ARHGAP26: variants seen among roughly 807,000 people sequenced by gnomAD.
ARHGAP26 encodes Rho GTPase activating protein 26, also known as rho GTPase-activating protein 26.
In ARHGAP26, 38 loss-of-function variants were observed where a neutral mutation model predicts 104.8. The observed-to-expected ratio is 0.36, with a 90% CI of 0.28 to 0.48. ARHGAP26 has a LOEUF of 0.48. ARHGAP26 is among the 20% of genes least tolerant of loss of function. ARHGAP26 has a pLI of 0.99. For missense variants in ARHGAP26, 704 were observed against 947.9 expected (o/e 0.74, Z 3.38); for synonymous variants, 341 against 340.0 (o/e 1.00, Z -0.03).
intron 12 of ARHGAP26, among the ~76,000 whole-genome samples, chr5:143,025,325 C>T (rs964898394): frequency 1.3e-5 from 2 of 152,150 alleles, no homozygotes; most frequent in African/African-American, 4.8e-5. Context: ...TCTTTCCCTG[C>T]CCTTCGCTGC....
intron 17 of ARHGAP26, among the ~76,000 whole-genome samples, chr5:143,060,260 T>C (rs1341649738): frequency 6.6e-6 from 1 of 152,216 alleles, no homozygotes; most frequent in Non-Finnish European, 1.5e-5. Context: ...GGTGTTTACT[T>C]CTCTTATTAC....
intron 1 of ARHGAP26, among the ~76,000 whole-genome samples, chr5:142,864,083 G>A (rs1205919994): frequency 1.3e-5 from 2 of 152,000 alleles, no homozygotes; most frequent in Admixed American, 6.6e-5. Context: ...CAGTGAGTGG[G>A]TCTGACTTGT....
chr5:143,104,465 C>A (rs1793706970), intron 17 of ARHGAP26, among the ~76,000 whole-genome samples: 1 of 150,900 alleles, frequency 6.6e-6, no homozygotes, highest in African/African-American at 2.4e-5. Flanking sequence ...GAGCCGAGAT[C>A]ACACCACTGC....
At chr5:142,931,609 T>C (rs967328804) in intron 10 of ARHGAP26, among the ~76,000 whole-genome samples, 3 of 151,550 alleles carry the variant, frequency 2.0e-5, no homozygotes, top group East Asian at 1.9e-4. Flanking sequence ...GAGACAAGCA[T>C]GCCTCCAGGT....
intron 11 of ARHGAP26, among the ~76,000 whole-genome samples, chr5:142,937,630 A>G (rs1197645829): frequency 2.0e-5 from 3 of 152,206 alleles, no homozygotes; most frequent in African/African-American, 7.2e-5. Context: ...ATAGCTTGAA[A>G]CTGGAAGTAC....
intron 11 of ARHGAP26, chr5:142,946,484 G>A (rs1309483313): frequency 6.6e-6 from 1 of 152,098 alleles, no homozygotes; most frequent in Non-Finnish European, 1.5e-5. Context: ...GCAAAAGAAA[G>A]TTCTTATAAG....
intron 10 of ARHGAP26, among the ~76,000 whole-genome samples, chr5:142,918,791 A>C (rs1598238105): frequency 6.6e-6 from 1 of 152,194 alleles, no homozygotes; most frequent in East Asian, 1.9e-4. Context: ...TAACATCAAA[A>C]AGCTAAAGTT....
chr5:143,128,458 T>C (rs1425682349), intron 18 of ARHGAP26, among the ~76,000 whole-genome samples: 2 of 152,218 alleles, frequency 1.3e-5, no homozygotes, highest in African/African-American at 4.8e-5. Flanking sequence ...AACTACTTTC[T>C]AAATTGTTGA....
intron 1 of ARHGAP26, among the ~76,000 whole-genome samples, chr5:142,848,364 C>T (rs1235582544): frequency 1.3e-5 from 2 of 152,162 alleles, no homozygotes; most frequent in African/African-American, 4.8e-5. Context: ...AAATTTAAGA[C>T]CACAGAACCT....
chr5:143,061,562 GC>G (rs533543527), intron 17 of ARHGAP26, among the ~76,000 whole-genome samples: 53 of 152,312 alleles, frequency 3.5e-4, no homozygotes, highest in African/African-American at 1.2e-3. Flanking sequence ...TGTTGCAGGG[GC>G]ATTGGAGAGG....
intron 1 of ARHGAP26, among the ~76,000 whole-genome samples, chr5:142,863,122 T>TC (rs1272779715): frequency 1.3e-5 from 2 of 151,684 alleles, no homozygotes; most frequent in African/African-American, 4.8e-5. Context: ...TTTTTTTTTT[T>TC]CTTTTTGAGA....
chr5:143,037,279 A>G lies in ARHGAP26; in HGVS notation c.1210+18A>G. On this transcript the variant is annotated intron_variant, in intron 13 of 22. Coordinates refer to ENST00000645722, the MANE Select transcript of ARHGAP26 (RefSeq NM_001135608.3). ...AACCAGAGGTAAAGTAGTTTAACAGATGGCATTGTTCTCATAGAAGGTCAC... is the reference window on the plus strand; with the variant it reads ...AACCAGAGGTAAAGTAGTTTAACAGGTGGCATTGTTCTCATAGAAGGTCAC... 6.3e-7 allele frequency: 1 copy of G among 1,581,052 alleles called. No individual in the cohort carries two copies. The highest frequency in any genetic ancestry group is 8.7e-7 in the Non-Finnish European group (1 of 1,155,574).
intron 17 of ARHGAP26, among the ~76,000 whole-genome samples, chr5:143,104,481 A>G (rs1056504510): frequency 6.6e-6 from 1 of 152,226 alleles, no homozygotes; most frequent in Non-Finnish European, 1.5e-5. Flanking sequence ...ACTGCACTCC[A>G]GTCTGGGCGA....
intron 1 of ARHGAP26, among the ~76,000 whole-genome samples, chr5:142,813,668 T>C (rs1178044916): frequency 6.6e-6 from 1 of 152,244 alleles, no homozygotes; most frequent in East Asian, 1.9e-4. Flanking sequence ...GTCTTTTCTC[T>C]GCTGTGCCTG....
chr5:142,836,613 C>G (rs919187728), intron 1 of ARHGAP26, among the ~76,000 whole-genome samples: 1 of 152,168 alleles, frequency 6.6e-6, no homozygotes, highest in Non-Finnish European at 1.5e-5. Context: ...GAAGTTGTCT[C>G]CGGGTTACTT....
At chr5:143,119,356 G>A (rs540554170) in intron 17 of ARHGAP26, among the ~76,000 whole-genome samples, 1 of 152,292 alleles carries the variant, frequency 6.6e-6, no homozygotes, top group East Asian at 1.9e-4. Context: ...AGCTCTTTTG[G>A]GAGGGGAAGT....
At chr5:142,817,904 A>G (rs1561893662) in intron 1 of ARHGAP26, among the ~76,000 whole-genome samples, 1 of 152,100 alleles carries the variant, frequency 6.6e-6, no homozygotes, top group East Asian at 1.9e-4. Context: ...GGGGAATCAG[A>G]GTTTTAGTTG....
intron 20 of ARHGAP26, among the ~76,000 whole-genome samples, chr5:143,156,110 A>G (rs1161138596): frequency 6.6e-6 from 1 of 152,170 alleles, no homozygotes; most frequent in African/African-American, 2.4e-5. Context: ...TATTTTTCTT[A>G]TTTAGGATTA....
At chr5:143,142,062 A>G (rs1039045155) in intron 19 of ARHGAP26, among the ~76,000 whole-genome samples, 1 of 151,902 alleles carries the variant, frequency 6.6e-6, no homozygotes, top group Non-Finnish European at 1.5e-5. Context: ...TTTGCTGAAG[A>G]TAATCTGTCA....
Sources: allele counts gnomAD v4.1 joint callset (sites outside exome capture counted in the v4.1 genomes callset), GRCh38; gene constraint gnomAD v4.1.1; transcripts MANE v1.5; gene names NCBI Gene and HGNC (gene_info 2026-07-23, HGNC 2026-07-21).